Variants in ARHGEF28 observed in about 807,000 individuals in gnomAD.
ARHGEF28 encodes the protein Rho guanine nucleotide exchange factor 28.
Under a neutral mutation model 206.6 loss-of-function variants are expected in ARHGEF28, and 152 were observed. The observed-to-expected ratio is 0.74, with a 90% CI of 0.64 to 0.84. ARHGEF28 has a LOEUF of 0.84. Ranked by LOEUF, ARHGEF28 falls within the 40% of genes least tolerant of loss-of-function variation. The pLI, the probability that ARHGEF28 is intolerant of heterozygous loss-of-function variation, is 0.00. For missense variants in ARHGEF28, 2,028 were observed against 2,073.2 expected (o/e 0.98, Z 0.42); for synonymous variants, 763 against 776.4 (o/e 0.98, Z 0.29).
At chr5:73,722,009 T>TA (rs1442866273) in intron 2 of ARHGEF28, among the ~76,000 whole-genome samples, 3 of 152,192 alleles carry the variant, frequency 2.0e-5, no homozygotes, top group Admixed American at 6.5e-5. Context: ...ACACAATATC[T>TA]AATGAGTATA....
At chr5:73,880,687 C>A (rs1228726065) in intron 22 of ARHGEF28, among the ~76,000 whole-genome samples, 1 of 152,196 alleles carries the variant, frequency 6.6e-6, no homozygotes, top group African/African-American at 2.4e-5. Context: ...AAGCCCAGCA[C>A]TTTGGGAGGC....
At position 73,647,436 on chromosome 5, in the gene ARHGEF28, A is replaced by G. The variant is rs569295011; in HGVS notation, c.-12+21114A>G. The stretch of plus-strand genomic sequence containing the variant: ...TTAGTCTCATTAGCCAAAACATCAC[A>G]TACTCACACCTAACTTCAGGGAATG... On this transcript the variant is annotated intron_variant, in intron 1 of 35. Coordinates refer to ENST00000513042, the MANE Select transcript of ARHGEF28 (RefSeq NM_001177693.2). Among the ~76,000 whole-genome samples the G allele has an allele frequency of 1.3e-4, 20 of 152,324 alleles. No homozygotes were observed. The South Asian group carries it at 4.1e-3, about 32-fold the overall frequency.
intron 4 of ARHGEF28, among the ~76,000 whole-genome samples, chr5:73,761,512 G>T (rs1386996899): frequency 6.6e-6 from 1 of 152,108 alleles, no homozygotes; most frequent in East Asian, 1.9e-4. Context: ...GAATAATTGT[G>T]CGTCCTGTTC....
At chr5:73,742,697 G>A (rs887036478) in intron 2 of ARHGEF28, among the ~76,000 whole-genome samples, 31 of 150,756 alleles carry the variant, frequency 2.1e-4, no homozygotes, top group Admixed American at 1.6e-3. Flanking sequence ...GGTGGCGGGC[G>A]CCTGTAGTCC....
intron 1 of ARHGEF28, among the ~76,000 whole-genome samples, chr5:73,657,179 A>G (rs1319652101): frequency 1.3e-5 from 2 of 150,226 alleles, no homozygotes; most frequent in Admixed American, 6.6e-5. Flanking sequence ...TCCCAAAAAA[A>G]AAAAAAAAAA....
chr5:73,710,795 CG>C (rs1749192479), intron 2 of ARHGEF28, among the ~76,000 whole-genome samples: 1 of 152,068 alleles, frequency 6.6e-6, no homozygotes, highest in Non-Finnish European at 1.5e-5. Flanking sequence ...CTCTGCCTCG[CG>C]GGTTCAAGTG....
chr5:73,831,044 T>A (rs966273688), intron 9 of ARHGEF28, among the ~76,000 whole-genome samples: 1 of 152,208 alleles, frequency 6.6e-6, no homozygotes, highest in Non-Finnish European at 1.5e-5. Context: ...GTTATTACCA[T>A]AACACACTAT....
intron 2 of ARHGEF28, among the ~76,000 whole-genome samples, chr5:73,713,001 A>G (rs894916312): frequency 2.0e-5 from 3 of 152,214 alleles, no homozygotes; most frequent in African/African-American, 7.2e-5. Context: ...GGTTTCCCCA[A>G]ATGTAATTAT....
At chr5:73,778,612 G>A (rs1307932082) in intron 6 of ARHGEF28, among the ~76,000 whole-genome samples, 6 of 152,084 alleles carry the variant, frequency 3.9e-5, no homozygotes, top group Admixed American at 1.3e-4. Context: ...CAGAGAGACC[G>A]AGAAGGAAGG....
intron 9 of ARHGEF28, among the ~76,000 whole-genome samples, chr5:73,812,272 G>A (rs1010323933): frequency 6.6e-6 from 1 of 152,076 alleles, no homozygotes; most frequent in Non-Finnish European, 1.5e-5. Context: ...CTTACACAGC[G>A]TGGCACAGTA....
chr5:73,937,418 T>A (rs1364599851), intron 35 of ARHGEF28, among the ~76,000 whole-genome samples: 1 of 152,224 alleles, frequency 6.6e-6, no homozygotes, highest in African/African-American at 2.4e-5. Context: ...GGGGCTTTTA[T>A]GTGTTTTAGC....
chr5:73,896,020 T>C (rs1761943701), intron 29 of ARHGEF28, among the ~76,000 whole-genome samples: 3 of 152,190 alleles, frequency 2.0e-5, no homozygotes, highest in Non-Finnish European at 2.9e-5. Context: ...ATCTATCTTG[T>C]ACTGTTGCTG....
intron 35 of ARHGEF28, among the ~76,000 whole-genome samples, chr5:73,936,589 A>G (rs115390208): frequency 0.016 from 2,475 of 152,322 alleles, 35 homozygotes; most frequent in Non-Finnish European, 0.025. Context: ...AGAGGCCTTA[A>G]TGATGATTTC....
At chr5:73,690,525 CAAAAAAAAA>C (rs71615796) in intron 2 of ARHGEF28, among the ~76,000 whole-genome samples, 2 of 23,356 alleles carry the variant, frequency 8.6e-5, no homozygotes, top group Non-Finnish European at 1.3e-4. Flanking sequence ...TCTGTCTTTA[CAAAAAAAAA>C]AAAAAAAAAA....
At chr5:73,894,293 C>G (rs763349737) in intron 28 of ARHGEF28, 100 bp from the exon 29 acceptor site, 4 of 1,234,722 alleles carry the variant, frequency 3.2e-6, no homozygotes, top group Non-Finnish European at 4.5e-6. Flanking sequence ...TCTTGGAGGT[C>G]TTACTGCTTG....
chr5:73,753,331 G>A (rs1026247049), intron 4 of ARHGEF28, 129 bp downstream of exon 4: 5 of 1,015,328 alleles, frequency 4.9e-6, no homozygotes, highest in Non-Finnish European at 6.8e-6. Context: ...GCTCTGATGT[G>A]GAGGGGCTCC....
rs767250356 is a variant in ARHGEF28 at position 73,911,495 on chromosome 5, G to T, written c.4868G>T (p.Ser1623Ile). The T allele has an allele frequency of 6.2e-7, 1 of 1,613,890 alleles. No homozygotes were observed. The highest frequency in any genetic ancestry group is 8.5e-7 in the Non-Finnish European group (1 of 1,179,856). Residue 1623 changes from serine (S) to isoleucine (I), a missense_variant, in exon 35 of 36, where the codon AGT becomes ATT. Coordinates refer to ENST00000513042, the MANE Select transcript of ARHGEF28 (RefSeq NM_001177693.2). ...GACCCTTCTCAGCCTTCGAATGTCA[G>T]TCACAAACTGTGGACAGCCGCTGGT... ...KVDPSQPSNVSHKLWTAAGSG... is the reference protein window; with the variant it reads ...KVDPSQPSNVIHKLWTAAGSG...
At chr5:73,785,693 C>T (rs915130247) in intron 7 of ARHGEF28, among the ~76,000 whole-genome samples, 3 of 152,156 alleles carry the variant, frequency 2.0e-5, no homozygotes, top group African/African-American at 4.8e-5. Flanking sequence ...AGTTCAAAAA[C>T]GCTCTGCATT....
At chr5:73,636,744 A>G (rs543947175) in intron 1 of ARHGEF28, among the ~76,000 whole-genome samples, 2 of 152,234 alleles carry the variant, frequency 1.3e-5, no homozygotes, top group East Asian at 3.9e-4. Context: ...GGGTCATATC[A>G]CCTTTCTCGG....
Sources: allele counts gnomAD v4.1 joint callset (sites outside exome capture counted in the v4.1 genomes callset), GRCh38; gene constraint gnomAD v4.1.1; transcripts MANE v1.5; gene names NCBI Gene and HGNC (gene_info 2026-07-23, HGNC 2026-07-21).